The following EFHC2 variants were observed in gnomAD, a reference collection of about 807,000 sequenced individuals.
The protein encoded by EFHC2 is EF-hand domain-containing family member C2.
A neutral mutation model predicts 52.7 loss-of-function variants in EFHC2; 18 were observed. The observed-to-expected ratio is 0.34, with a 90% CI of 0.24 to 0.51. The LOEUF is 0.51. Ranked by LOEUF, EFHC2 falls within the 20% of genes least tolerant of loss-of-function variation. The probability of loss-of-function intolerance (pLI) is 0.97; values close to 1 mark genes in which losing one functional copy is unlikely to be tolerated. For synonymous variants in EFHC2, 203 were observed against 204.1 expected, an observed-to-expected ratio of 0.99 and a Z score of 0.04; for missense variants, 513 against 562.5, an observed-to-expected ratio of 0.91 and a Z score of 0.89.
chrX:44,156,978 T>G (rs12012705), intron 14 of EFHC2, among the ~76,000 whole-genome samples: 40,733 of 110,050 alleles, frequency 0.37, 5,665 homozygotes, highest in African/African-American at 0.45. Context: ...GGGCTGCTGA[T>G]GGGCCAGGCA....
chrX:44,326,887 C>A (rs997434768), intron 1 of EFHC2, among the ~76,000 whole-genome samples: 26 of 108,732 alleles, frequency 2.4e-4, no homozygotes, highest in Non-Finnish European at 4.6e-4. Flanking sequence ...TGCCACCACA[C>A]CTGGCTAATT....
At chrX:44,168,909 A>C (rs1195078868) in intron 13 of EFHC2, among the ~76,000 whole-genome samples, 5 of 110,767 alleles carry the variant, frequency 4.5e-5, no homozygotes, top group African/African-American at 1.6e-4. Flanking sequence ...TGGGTAGTGA[A>C]ATCCACTAAT....
chrX:44,336,170 T>A (rs751803705), intron 1 of EFHC2, among the ~76,000 whole-genome samples: 4 of 110,902 alleles, frequency 3.6e-5, no homozygotes, highest in Non-Finnish European at 5.7e-5. Flanking sequence ...GTGGATCACC[T>A]GAGGTCAGGA....
intron 2 of EFHC2, chrX:44,310,360 C>T: frequency 1.1e-6 from 1 of 885,481 alleles, no homozygotes. Flanking sequence ...GAACCCGGGT[C>T]CCGCTCAGGG....
intron 2 of EFHC2, 121 bp downstream of exon 2, chrX:44,312,447 G>T: frequency 2.1e-6 from 1 of 485,889 alleles, no homozygotes; most frequent in Non-Finnish European, 3.1e-6. Flanking sequence ...AAGTAGAAAA[G>T]GCAAAAAGAA....
intron 2 of EFHC2, among the ~76,000 whole-genome samples, chrX:44,274,019 C>T (rs1244086515): frequency 8.9e-6 from 1 of 112,193 alleles, no homozygotes; most frequent in South Asian, 3.7e-4. Context: ...GCCCACACTT[C>T]AGAAGTGGCT....
At chrX:44,182,273 C>CT (rs1356624851) in intron 11 of EFHC2, among the ~76,000 whole-genome samples, 2 of 112,486 alleles carry the variant, frequency 1.8e-5, no homozygotes, top group Non-Finnish European at 3.7e-5. Context: ...CGGCTGAATT[C>CT]TTATTCATTG....
intron 2 of EFHC2, among the ~76,000 whole-genome samples, chrX:44,299,353 T>C (rs1263197580): frequency 2.7e-5 from 3 of 111,765 alleles, no homozygotes; most frequent in African/African-American, 9.8e-5. Context: ...TTAAGTCTGA[T>C]AAGAAACATT....
In EFHC2 at chrX:44,229,631, TAGC is replaced by T; in HGVS notation, c.1751+15_1751+17del. 8.3e-7 allele frequency: 1 copy of T among 1,210,385 alleles called. No homozygotes were observed. Among genetic ancestry groups the T allele is most frequent in the Non-Finnish European group, 1.1e-6 (1 of 894,656 alleles). On this transcript the variant is annotated intron_variant, in intron 11 of 14. Transcript: ENST00000420999. ...CCTTGAGGGGAAAACAGGTGATTGT[TAGC>T]AGAATATGGCTTACCTGAATGTATT... is the stretch of plus-strand genomic sequence containing the variant.
intron 11 of EFHC2, among the ~76,000 whole-genome samples, chrX:44,194,235 T>C (rs761930395): frequency 6.4e-4 from 55 of 85,573 alleles, no homozygotes; most frequent in Middle Eastern, 5.8e-3. Context: ...CATTTTATTG[T>C]TGTGGCTTAT....
chrX:44,273,952 C>G (rs992511322), intron 2 of EFHC2, among the ~76,000 whole-genome samples: 1 of 111,635 alleles, frequency 9.0e-6, no homozygotes, highest in Non-Finnish European at 1.9e-5. Context: ...GGGTGGTGGT[C>G]AGTTAACCTA....
chrX:44,295,585 T>C (rs2037821348), intron 2 of EFHC2, among the ~76,000 whole-genome samples: 1 of 110,686 alleles, frequency 9.0e-6, no homozygotes, highest in African/African-American at 3.3e-5. Context: ...AGTGGGCAGT[T>C]GAGAAAGGGA....
Position 44,231,275 on chromosome X carries a change from G to A in EFHC2, c.1620+1206C>T, listed in dbSNP as rs749106002. Among the ~76,000 whole-genome samples, 5 of 111,552 alleles carry A rather than the reference G, an allele frequency of 4.5e-5. No homozygotes were observed. In the South Asian group the frequency reaches 1.9e-3, roughly 42 times the overall value. On this transcript the variant is annotated intron_variant, in intron 10 of 14. Transcript: ENST00000420999. ...AGTTCACAGGCAATGTCGCTGCTGG[G>A]GCCACACTCTCCCCAAGCTGTTCCC...
At chrX:44,183,667 T>C (rs1250858848) in intron 11 of EFHC2, among the ~76,000 whole-genome samples, 1 of 112,057 alleles carries the variant, frequency 8.9e-6, no homozygotes, top group Non-Finnish European at 1.9e-5. Context: ...CCACCATAGA[T>C]GGCCACTTCA....
At chrX:44,152,068 A>G (rs1441260862) in intron 14 of EFHC2, among the ~76,000 whole-genome samples, 2 of 112,032 alleles carry the variant, frequency 1.8e-5, no homozygotes, top group East Asian at 5.6e-4. Flanking sequence ...ATGATTTATG[A>G]TGATGATAAA....
At chrX:44,183,734 T>C (rs1180181502) in intron 11 of EFHC2, among the ~76,000 whole-genome samples, 1 of 111,764 alleles carries the variant, frequency 8.9e-6, no homozygotes, top group African/African-American at 3.3e-5. Flanking sequence ...GTGGTATAAG[T>C]GGTTTCTTCC....
chrX:44,210,337 A>G lies in EFHC2; in HGVS notation c.1751+19312T>C, dbSNP rs1036052288. On this transcript the variant is annotated intron_variant, in intron 11 of 14. Coordinates refer to ENST00000420999, the MANE Select transcript of EFHC2 (RefSeq NM_025184.4). ...TTATAGAAATTGACAAGCTGATACC[A>G]AAGTTCAAAAGAAAATACAAAGATC... is the stretch of plus-strand genomic sequence containing the variant. 1.8e-4 allele frequency among the ~76,000 whole-genome samples: 20 copies of G among 112,564 alleles called. No homozygotes were observed. In the Admixed American group the frequency reaches 1.8e-3, roughly 10 times the overall value.
At chrX:44,265,426 C>T (rs2037569393) in intron 3 of EFHC2, among the ~76,000 whole-genome samples, 1 of 111,034 alleles carries the variant, frequency 9.0e-6, no homozygotes, top group Non-Finnish European at 1.9e-5. Context: ...GCATGGCCAC[C>T]ACGCCTGGCT....
intron 13 of EFHC2, among the ~76,000 whole-genome samples, chrX:44,168,701 C>CA (rs1303733252): frequency 9.0e-6 from 1 of 110,718 alleles, no homozygotes. Flanking sequence ...GAGGGGCGGT[C>CA]AGGTGCCTTC....
Sources: gnomAD v4.1 joint callset for allele counts (sites outside exome capture counted in the v4.1 genomes callset) on GRCh38, gnomAD v4.1.1 for gene constraint, MANE v1.5 for transcripts, NCBI Gene and HGNC (gene_info 2026-07-23, HGNC 2026-07-21) for gene names.